Variants in FOXP4 observed in about 807,000 individuals in gnomAD.
FOXP4 encodes forkhead box protein P4.
A neutral mutation model predicts 82.6 loss-of-function variants in FOXP4; 25 were observed. The observed-to-expected ratio is 0.30, with a 90% CI of 0.22 to 0.42. The LOEUF (loss-of-function observed/expected upper bound fraction) is 0.42. Among genes scored for constraint, FOXP4 ranks in the 10% least tolerant of loss-of-function variants. FOXP4 has a pLI of 1.00. For missense variants in FOXP4, 785 were observed against 900.9 expected (o/e 0.87, Z 1.65); for synonymous variants, 415 against 388.2 (o/e 1.07, Z -0.81).
rs914924961 is a variant in FOXP4 at position 41,591,405 on chromosome 6, T to A, written c.1536+83T>A. ...CATGGAGACCAAGGCTGCCTAACAA[T>A]TAGTTCCCTAAACCATTAGTCCTGC... On this transcript the variant is annotated intron_variant, in intron 13 of 16. Transcript: ENST00000307972. The surrounding 1 kb of genome is among the most constrained non-coding windows in gnomAD (Gnocchi z 4.2). The A allele has an allele frequency of 1.7e-6, 2 of 1,207,092 alleles. No individual in the cohort carries two copies. The highest frequency in any genetic ancestry group is 1.3e-5 in the South Asian group (1 of 76,950). 74.8% of individuals were successfully genotyped at this position (1,207,092 alleles called of 1,614,324 possible).
intron 1 of FOXP4, among the ~76,000 whole-genome samples, chr6:41,551,496 G>C (rs1763996753): frequency 6.6e-6 from 1 of 152,214 alleles, no homozygotes; most frequent in Non-Finnish European, 1.5e-5. Flanking sequence ...TGGGCCCCAT[G>C]CTCTGGCCAA....
At chr6:41,586,939 G>C in intron 5 of FOXP4, 70 bp from the exon 6 acceptor site, 1 of 1,500,874 alleles carries the variant, frequency 6.7e-7, no homozygotes, top group East Asian at 2.3e-5. Context: ...TGGCCGCGGG[G>C]TGGGGGCCAG....
At chr6:41,589,036 T>G (rs1766333168) in intron 9 of FOXP4, among the ~76,000 whole-genome samples, 1 of 152,252 alleles carries the variant, frequency 6.6e-6, no homozygotes, top group Admixed American at 6.5e-5. Flanking sequence ...TGTGCTGTGC[T>G]AAATACTTTA....
At chr6:41,578,115 G>A in intron 3 of FOXP4, 34 bp downstream of exon 3, 1 of 1,583,374 alleles carries the variant, frequency 6.3e-7, no homozygotes, top group Non-Finnish European at 8.6e-7. Flanking sequence ...GCTCTGGGTT[G>A]GGCTGGAGTG....
rs761839946 is a variant in FOXP4, at chr6:41,577,987, C to T, written c.206C>T (p.Ala69Val). ...GCTGACTCAGCCCCTGTCTTGCAGG[C>T]TCTCCAAGTGGCCCGGCAGTTCCTG... Reference protein sequence around the residue: ...AELLHFQQQQALQVARQFLLQ... With the variant: ...AELLHFQQQQVLQVARQFLLQ... Residue 69 changes from alanine to valine, a missense_variant and splice_region_variant, in exon 3 of 17, where the codon GCT (alanine) becomes GTT (valine). Ala to Val is a moderately conservative substitution (Grantham distance 64, BLOSUM62 0). Coordinates refer to ENST00000307972, the MANE Select transcript of FOXP4 (RefSeq NM_001012426.2). The T allele has an allele frequency of 1.9e-6, 3 of 1,611,518 alleles. No individual in the cohort carries two copies. The African/African-American group carries it at 4.0e-5, about 22-fold the overall frequency.
At chr6:41,582,146 G>A (rs904285397) in intron 3 of FOXP4, among the ~76,000 whole-genome samples, 6 of 152,200 alleles carry the variant, frequency 3.9e-5, no homozygotes, top group African/African-American at 1.2e-4. Flanking sequence ...TTTTCTTCAC[G>A]TTTACATAGA....
rs1766012416 is a variant in FOXP4, at chr6:41,584,879, C to T, written c.411C>T (p.Leu137=). 2.5e-6 allele frequency: 4 copies of T among 1,610,672 alleles called. No individual in the cohort carries two copies. The South Asian group carries it at 4.4e-5, about 18-fold the overall frequency. The part of the protein sequence containing the change: ...LQALLQQQQA[L]MLQQLQEYYK... ...CCTTGCTCCAGCAGCAGCAAGCCCT[C>T]ATGCTCCAGCAGGTGAGTCTGGCCC... Residue 137 remains leucine (L), a synonymous_variant, in exon 4 of 17, where the codon CTC becomes CTT. Transcript: ENST00000307972.
chr6:41,596,924 T>C (rs557626301), intron 14 of FOXP4, among the ~76,000 whole-genome samples: 3 of 152,226 alleles, frequency 2.0e-5, no homozygotes, highest in African/African-American at 7.2e-5. Context: ...CTCCGAGACC[T>C]GGACAGGTCC....
intron 1 of FOXP4, among the ~76,000 whole-genome samples, chr6:41,564,499 G>C (rs1312918001): frequency 6.6e-6 from 1 of 152,102 alleles, no homozygotes; most frequent in Non-Finnish European, 1.5e-5. Context: ...AGAAGCTTAG[G>C]CCTCCACCTC....
chr6:41,563,429 G>A (rs116101553), intron 1 of FOXP4, among the ~76,000 whole-genome samples: 5,871 of 152,254 alleles, frequency 0.039, 167 homozygotes, highest in South Asian at 0.074. Flanking sequence ...GTCTCTTTCC[G>A]CAGTTTCTCA....
chr6:41,550,074 C>T (rs1763912341), intron 1 of FOXP4, among the ~76,000 whole-genome samples: 2 of 152,186 alleles, frequency 1.3e-5, no homozygotes, highest in African/African-American at 2.4e-5. Flanking sequence ...TTTGACAGGA[C>T]TCTCAGGCTC....
In FOXP4 at chr6:41,591,299, C is replaced by T. The variant is rs762301213; in HGVS notation, c.1513C>T (p.Arg505Cys). Reference protein sequence around the residue: ...NWFTRMFAYFRRNTATWKNAV... With the variant: ...NWFTRMFAYFCRNTATWKNAV... ...GTTCACCAGGATGTTCGCCTATTTC[C>T]GCAGAAACACTGCCACCTGGAAGGT... Residue 505 changes from arginine (R) to cysteine (C), a missense_variant, in exon 13 of 17, where the codon CGC (arginine) becomes TGC (cysteine). Coordinates refer to ENST00000307972, the MANE Select transcript of FOXP4 (RefSeq NM_001012426.2). The surrounding 1 kb of genome is among the most constrained non-coding windows in gnomAD (Gnocchi z 4.2). The T allele has an allele frequency of 1.2e-6, 2 of 1,605,126 alleles. No homozygotes were observed. The highest frequency in any genetic ancestry group is 1.7e-6 in the Non-Finnish European group (2 of 1,175,566).
chr6:41,569,391 C>T (rs1188262607), intron 2 of FOXP4, among the ~76,000 whole-genome samples: 1 of 152,260 alleles, frequency 6.6e-6, no homozygotes, highest in Non-Finnish European at 1.5e-5. Context: ...GTGCCCCTCC[C>T]TGCATTTTAC....
intron 1 of FOXP4, among the ~76,000 whole-genome samples, chr6:41,564,406 G>A (rs372779191): frequency 2.6e-5 from 4 of 152,146 alleles, no homozygotes; most frequent in East Asian, 3.9e-4. Flanking sequence ...GTGACAGAGC[G>A]AGACTCTGTC....
Position 41,589,784 on chromosome 6 carries a change from G to A in FOXP4, c.1079G>A (p.Ser360Asn). ...QQLEIQLAKESERLQAMMAHL... is the reference protein window; with the variant it reads ...QQLEIQLAKENERLQAMMAHL... ...CACCCTCCACAGCTCGCCAAGGAGAGCGAGCGGCTGCAGGCCATGATGGCC... is the reference window on the plus strand; with the variant it reads ...CACCCTCCACAGCTCGCCAAGGAGAACGAGCGGCTGCAGGCCATGATGGCC... The change falls in exon 10 of 17, where the codon AGC (serine) becomes AAC (asparagine). Residue 360 changes from serine to asparagine, a missense_variant. Around this residue, in one of 3 missense-constraint regions of FOXP4, gnomAD observed 570 missense variants for 634.0 expected, o/e 0.90. Transcript: ENST00000307972. The A allele has an allele frequency of 6.2e-7, 1 of 1,611,162 alleles. No homozygotes were observed. Among genetic ancestry groups the A allele is most frequent in the Non-Finnish European group, 8.5e-7 (1 of 1,179,904 alleles).
rs1436674682 is a variant in FOXP4 at position 41,587,164 on chromosome 6, C to T, written c.658+8C>T. On this transcript the variant is annotated splice_region_variant and intron_variant, in intron 6 of 16. Transcript: ENST00000307972. ...TCCAGACCCTTCCGCAAGGTGAGCA[C>T]CCGCCACTCCTCCCCTCCCAGCCCC... 6.2e-7 allele frequency: 1 copy of T among 1,603,886 alleles called. No individual in the cohort carries two copies. Among genetic ancestry groups the T allele is most frequent in the Non-Finnish European group, 8.5e-7 (1 of 1,175,676 alleles).
intron 13 of FOXP4, among the ~76,000 whole-genome samples, chr6:41,594,526 T>G (rs1047977639): frequency 1.3e-4 from 20 of 152,304 alleles, no homozygotes; most frequent in Non-Finnish European, 2.5e-4. Context: ...TGAGTAACAA[T>G]TACATGTGTC....
chr6:41,589,825 C>T lies in FOXP4; in HGVS notation c.1120C>T (p.Pro374Ser). The change falls in exon 10 of 17, where the codon CCC becomes TCC. Residue 374 changes from proline (P) to serine (S), a missense_variant. This residue lies in a region of FOXP4 where 570 missense variants were observed against 634.0 expected (regional missense o/e 0.90). Transcript: ENST00000307972. ...QAMMAHLHMR[P>S]SEPKPFSQPL... ...CATGATGGCCCACCTGCACATGCGGCCCTCGGAGCCCAAGCCCTTCAGCCA... is the reference window on the plus strand; with the variant it reads ...CATGATGGCCCACCTGCACATGCGGTCCTCGGAGCCCAAGCCCTTCAGCCA... 1 of 1,610,784 alleles carries T rather than the reference C, an allele frequency of 6.2e-7. No homozygotes were observed. The highest frequency in any genetic ancestry group is 8.5e-7 in the Non-Finnish European group (1 of 1,179,914).
intron 6 of FOXP4, 36 bp from the exon 7 acceptor site, chr6:41,587,263 G>T (rs747127172): frequency 3.1e-6 from 5 of 1,609,206 alleles, no homozygotes; most frequent in African/African-American, 2.7e-5. Flanking sequence ...CCGAGTGTTC[G>T]TGGGGCCCTG....
Sources: allele counts gnomAD v4.1 joint callset (sites outside exome capture counted in the v4.1 genomes callset), GRCh38; gene constraint gnomAD v4.1.1; regional missense constraint gnomAD v4.1.1; non-coding constraint Gnocchi (gnomAD v3.1); transcripts MANE v1.5; gene names NCBI Gene and HGNC (gene_info 2026-07-23, HGNC 2026-07-21).